Variants in NELL1 observed in about 807,000 individuals in gnomAD.
NELL1 encodes protein kinase C-binding protein NELL1.
Under a neutral mutation model 107.4 loss-of-function variants are expected in NELL1, and 76 were observed. The observed-to-expected ratio is 0.71, with a 90% CI of 0.59 to 0.86. The LOEUF (loss-of-function observed/expected upper bound fraction) is 0.86. Ranked by LOEUF, NELL1 falls within the 40% of genes least tolerant of loss-of-function variation. NELL1 has a pLI of 0.00. For synonymous variants in NELL1, 353 were observed against 341.2 expected, an observed-to-expected ratio of 1.03 and a Z score of -0.38; for missense variants, 1,024 against 1,005.5, an observed-to-expected ratio of 1.02 and a Z score of -0.25.
At chr11:21,483,042 C>T (rs543871633) in intron 15 of NELL1, among the ~76,000 whole-genome samples, 6 of 151,630 alleles carry the variant, frequency 4.0e-5, no homozygotes, top group Admixed American at 6.6e-5. Context: ...GGCTGGAGTG[C>T]GGTGGAGTGA....
chr11:21,047,626 T>C (rs755650581), intron 12 of NELL1, among the ~76,000 whole-genome samples: 11 of 152,194 alleles, frequency 7.2e-5, no homozygotes, highest in Non-Finnish European at 1.6e-4. Flanking sequence ...ACACCAGAAC[T>C]GGCTTTTATC....
chr11:21,210,484 T>C (rs1047047577), intron 13 of NELL1, among the ~76,000 whole-genome samples: 1 of 152,196 alleles, frequency 6.6e-6, no homozygotes, highest in Non-Finnish European at 1.5e-5. Flanking sequence ...TTGTTAATGA[T>C]GTTGAGAATC....
rs543293162 is a variant in NELL1 at position 20,965,828 on chromosome 11, A to C, written c.1300+5268A>C. On this transcript the variant is annotated intron_variant, in intron 12 of 19. Coordinates refer to ENST00000357134, the MANE Select transcript of NELL1 (RefSeq NM_006157.5). Reference sequence around the variant, plus strand: ...TCAAACAGAACGCAGCCCACAGAATACCTAAGTGGGTAGATACTTACTAGA... The same window carrying C: ...TCAAACAGAACGCAGCCCACAGAATCCCTAAGTGGGTAGATACTTACTAGA... Among the ~76,000 whole-genome samples the C allele has an allele frequency of 2.0e-5, 3 of 152,220 alleles. No individual in the cohort carries two copies. In the South Asian group the frequency reaches 6.2e-4, roughly 32 times the overall value.
chr11:21,459,041 C>G (rs1280387955), intron 15 of NELL1, among the ~76,000 whole-genome samples: 1 of 152,046 alleles, frequency 6.6e-6, no homozygotes, highest in East Asian at 1.9e-4. Flanking sequence ...TTTACACACT[C>G]TAGAAAATGG....
At chr11:20,795,981 A>T (rs1857161967) in intron 3 of NELL1, among the ~76,000 whole-genome samples, 1 of 152,144 alleles carries the variant, frequency 6.6e-6, no homozygotes, top group African/African-American at 2.4e-5. Context: ...AAGTGAAGGT[A>T]TCCATTGATT....
intron 14 of NELL1, among the ~76,000 whole-genome samples, chr11:21,322,380 G>A (rs1019696955): frequency 6.6e-6 from 1 of 151,966 alleles, no homozygotes; most frequent in Non-Finnish European, 1.5e-5. Context: ...GAGTTTAGTT[G>A]GTGTATGCCC....
chr11:20,773,094 A>G (rs1856671521), intron 2 of NELL1, among the ~76,000 whole-genome samples: 1 of 152,206 alleles, frequency 6.6e-6, no homozygotes, highest in Non-Finnish European at 1.5e-5. Flanking sequence ...AGAACTGACC[A>G]CTAACCATGC....
intron 4 of NELL1, among the ~76,000 whole-genome samples, chr11:20,883,287 T>G (rs2134104001): frequency 6.6e-6 from 1 of 152,350 alleles, no homozygotes. Context: ...TGTTTGCTTC[T>G]TCAACTATTT....
In NELL1 at chr11:21,018,699, G is replaced by T. The variant is rs143588576; in HGVS notation, c.1300+58139G>T. Among the ~76,000 whole-genome samples the T allele has an allele frequency of 2.3e-3, 351 of 152,176 alleles. 1 individual carries two copies. Among genetic ancestry groups the T allele is most frequent in the African/African-American group, 8.1e-3 (335 of 41,546 alleles). Reference sequence around the variant, plus strand: ...TGAGGCCAGTGGGTAATGTCCTGTTGTTTCCCCACAAGCTGGTGCAAGAGA... The same window carrying T: ...TGAGGCCAGTGGGTAATGTCCTGTTTTTTCCCCACAAGCTGGTGCAAGAGA... On this transcript the variant is annotated intron_variant, in intron 12 of 19. Coordinates refer to ENST00000357134, the MANE Select transcript of NELL1 (RefSeq NM_006157.5).
intron 14 of NELL1, among the ~76,000 whole-genome samples, chr11:21,370,353 T>C (rs1851330201): frequency 6.6e-6 from 1 of 152,094 alleles, no homozygotes; most frequent in South Asian, 2.1e-4. Flanking sequence ...AGCTTATATA[T>C]TCAAATGTAA....
chr11:20,915,699 T>TTATATATATATATATATATATATA (rs1242467428), intron 5 of NELL1, among the ~76,000 whole-genome samples: 3 of 20,388 alleles, frequency 1.5e-4, no homozygotes, highest in South Asian at 3.0e-3. Context: ...TCCTCATAGA[T>TTATATATATATATATATATATATA]GATATATATA....
chr11:21,309,112 T>A (rs1849670739), intron 14 of NELL1, among the ~76,000 whole-genome samples: 1 of 151,348 alleles, frequency 6.6e-6, no homozygotes, highest in Admixed American at 6.6e-5. Flanking sequence ...GTCCCTATTT[T>A]ATTAAAGAAT....
chr11:20,783,895 G>C, intron 3 of NELL1, 65 bp downstream of exon 3: 1 of 1,443,684 alleles, frequency 6.9e-7, no homozygotes. Context: ...AAATGTCTTG[G>C]GATTTAGAGT....
At chr11:21,271,092 T>C (rs943283771) in intron 14 of NELL1, among the ~76,000 whole-genome samples, 1 of 151,670 alleles carries the variant, frequency 6.6e-6, no homozygotes, top group African/African-American at 2.4e-5. Flanking sequence ...CTTAGGAAAC[T>C]AGAAAAAAAT....
intron 15 of NELL1, among the ~76,000 whole-genome samples, chr11:21,422,093 ATATGTGTG>A (rs143636433): frequency 0.39 from 35,361 of 90,690 alleles, 4,403 homozygotes; most frequent in South Asian, 0.56. Flanking sequence ...ACATTTACAC[ATATGTGTG>A]TGTGTGTGTG....
intron 17 of NELL1, among the ~76,000 whole-genome samples, chr11:21,569,486 A>ATGATGG (rs1480597033): frequency 9.9e-5 from 15 of 151,736 alleles, no homozygotes; most frequent in African/African-American, 3.6e-4. Context: ...GATGATGATG[A>ATGATGG]TGATGATATA....
intron 3 of NELL1, among the ~76,000 whole-genome samples, chr11:20,822,711 G>C (rs1484225262): frequency 1.3e-5 from 2 of 152,198 alleles, no homozygotes; most frequent in African/African-American, 4.8e-5. Context: ...GATTTGCCAG[G>C]TGTCCAGGAG....
intron 7 of NELL1, among the ~76,000 whole-genome samples, chr11:20,925,068 C>T (rs79183988): frequency 0.03 from 4,538 of 152,160 alleles, 209 homozygotes; most frequent in African/African-American, 0.1. Context: ...GATGTGCATA[C>T]GTTATATGCA....
chr11:21,226,969 A>C (rs1473213136), intron 13 of NELL1, among the ~76,000 whole-genome samples: 2 of 152,200 alleles, frequency 1.3e-5, no homozygotes, highest in Non-Finnish European at 2.9e-5. Flanking sequence ...TAGGACAGCA[A>C]AGATGCCACC....
Sources: gnomAD v4.1 joint callset for allele counts (sites outside exome capture counted in the v4.1 genomes callset) on GRCh38, gnomAD v4.1.1 for gene constraint, MANE v1.5 for transcripts, NCBI Gene and HGNC (gene_info 2026-07-23, HGNC 2026-07-21) for gene names.